RMST: variants seen among roughly 807,000 people sequenced by gnomAD.
The protein encoded by RMST is long intergenic non-protein coding RNA 54.
intron 11 of RMST, among the ~76,000 whole-genome samples, chr12:97,557,550 C>T (rs768599882): frequency 6.6e-6 from 1 of 152,158 alleles, no homozygotes; most frequent in African/African-American, 2.4e-5. Flanking sequence ...CTAATTATTA[C>T]ACGTTTAGTG....
At chr12:97,503,928 T>C (rs1878377155) in intron 10 of RMST, among the ~76,000 whole-genome samples, 1 of 152,160 alleles carries the variant, frequency 6.6e-6, no homozygotes, top group Admixed American at 6.5e-5. Context: ...TAAAACTTTT[T>C]TTTTTCTTCT....
intron 5 of RMST, among the ~76,000 whole-genome samples, chr12:97,482,776 A>G (rs1357464065): frequency 6.9e-6 from 1 of 143,958 alleles, no homozygotes; most frequent in Non-Finnish European, 1.5e-5. Flanking sequence ...TTATTTATTT[A>G]TTAAATAAAT....
intron 5 of RMST, among the ~76,000 whole-genome samples, chr12:97,468,765 T>C (rs920538607): frequency 2.6e-5 from 4 of 151,978 alleles, no homozygotes; most frequent in African/African-American, 9.7e-5. Flanking sequence ...AGAATTCAAT[T>C]TGCTAGAAAT....
intron 10 of RMST, among the ~76,000 whole-genome samples, chr12:97,518,503 G>A (rs1880169192): frequency 6.6e-6 from 1 of 151,970 alleles, no homozygotes; most frequent in Non-Finnish European, 1.5e-5. Context: ...ATCATAATTT[G>A]TGACCTTGTT....
chr12:97,522,356 T>C (rs1218482117), intron 10 of RMST, among the ~76,000 whole-genome samples: 1 of 152,222 alleles, frequency 6.6e-6, no homozygotes, highest in African/African-American at 2.4e-5. Context: ...TGATTCTTCC[T>C]AAATGTGAAA....
At chr12:97,481,714 G>A (rs555895958) in intron 5 of RMST, among the ~76,000 whole-genome samples, 12 of 152,244 alleles carry the variant, frequency 7.9e-5, no homozygotes, top group East Asian at 3.9e-4. Context: ...TGTTCCATCC[G>A]TGCAAGTGTT....
chr12:97,518,914 C>T (rs112825419), intron 10 of RMST, among the ~76,000 whole-genome samples: 11,971 of 151,726 alleles, frequency 0.079, 1,051 homozygotes, highest in African/African-American at 0.21. Flanking sequence ...AGACTACAGG[C>T]ACCTGCCACC....
intron 11 of RMST, among the ~76,000 whole-genome samples, chr12:97,558,623 G>C (rs1883880084): frequency 6.6e-6 from 1 of 151,952 alleles, no homozygotes; most frequent in Non-Finnish European, 1.5e-5. Flanking sequence ...TCACACATCA[G>C]TATTACAAAC....
At chr12:97,477,977 C>T (rs988995833) in intron 5 of RMST, among the ~76,000 whole-genome samples, 1 of 152,148 alleles carries the variant, frequency 6.6e-6, no homozygotes, top group Non-Finnish European at 1.5e-5. Flanking sequence ...GGTTGAATCT[C>T]AGCTGTGGTT....
chr12:97,539,690 C>T (rs1427154135), intron 11 of RMST, among the ~76,000 whole-genome samples: 1 of 151,624 alleles, frequency 6.6e-6, no homozygotes, highest in Non-Finnish European at 1.5e-5. Context: ...AGACTCTTGA[C>T]ACACATGAGC....
intron 11 of RMST, among the ~76,000 whole-genome samples, chr12:97,542,929 A>G (rs1220535148): frequency 6.6e-6 from 1 of 151,920 alleles, no homozygotes; most frequent in Non-Finnish European, 1.5e-5. Flanking sequence ...GAAGTTAATG[A>G]AGTTACCACA....
intron 5 of RMST, among the ~76,000 whole-genome samples, chr12:97,475,128 T>C (rs17331697): frequency 0.095 from 14,465 of 152,220 alleles, 768 homozygotes; most frequent in Middle Eastern, 0.17. Flanking sequence ...TTGATTGTCT[T>C]GTCCATATCT....
intron 4 of RMST, chr12:97,464,734 C>T (rs1370298702): frequency 6.6e-6 from 1 of 152,138 alleles, no homozygotes; most frequent in East Asian, 1.9e-4. Flanking sequence ...CCTCAATCTC[C>T]GTGGTTTTGG....
rs1320231073 is a variant in RMST at position 97,476,607 on chromosome 12, C to T, written n.644+10880C>T. 5.9e-5 allele frequency among the ~76,000 whole-genome samples: 9 copies of T among 152,092 alleles called. No homozygotes were observed. The South Asian group carries it at 6.2e-4, about 11-fold the overall frequency. On this transcript the variant is annotated intron_variant and non_coding_transcript_variant, in intron 5 of 13. Coordinates refer to ENST00000640149, the Ensembl canonical transcript of RMST. ...AGGCCCACTGGGGAGCTGATAGAGC[C>T]GAGCTATGTGGTTTCCAAAATGATT...
intron 10 of RMST, among the ~76,000 whole-genome samples, chr12:97,519,145 T>C (rs990537389): frequency 7.9e-5 from 12 of 152,214 alleles, no homozygotes; most frequent in Non-Finnish European, 1.3e-4. Context: ...GCATTGTACA[T>C]CTTCATCACA....
At chr12:97,479,417 T>C (rs1391870322) in intron 5 of RMST, among the ~76,000 whole-genome samples, 1 of 152,182 alleles carries the variant, frequency 6.6e-6, no homozygotes, top group Non-Finnish European at 1.5e-5. Context: ...CCTCCCAAAG[T>C]ACTGAGATTA....
intron 11 of RMST, among the ~76,000 whole-genome samples, chr12:97,559,458 T>C (rs891969238): frequency 6.6e-6 from 1 of 152,144 alleles, no homozygotes; most frequent in Non-Finnish European, 1.5e-5. Flanking sequence ...TATTTTTCCT[T>C]AATTGGAACC....
chr12:97,564,211 A>G (rs1404167250), exon 14 of RMST: 1 of 197,208 alleles, frequency 5.1e-6, no homozygotes, highest in Non-Finnish European at 1.1e-5. Context: ...CAATCCTTCT[A>G]TGCCTTCTTT....
chr12:97,479,582 C>T (rs1188275477), intron 5 of RMST, among the ~76,000 whole-genome samples: 1 of 152,000 alleles, frequency 6.6e-6, no homozygotes, highest in Non-Finnish European at 1.5e-5. Flanking sequence ...TGCATTTGAC[C>T]CCATTGATAG....
Sources: gnomAD v4.1 joint callset for allele counts (sites outside exome capture counted in the v4.1 genomes callset) on GRCh38, gnomAD v4.1.1 for gene constraint, MANE v1.5 for transcripts, NCBI Gene and HGNC (gene_info 2026-07-23, HGNC 2026-07-21) for gene names.